Variants in ARHGEF26 observed in about 807,000 individuals in gnomAD.
The protein encoded by ARHGEF26 is Rho guanine nucleotide exchange factor (GEF) 26.
Under a neutral mutation model 89.4 loss-of-function variants are expected in ARHGEF26, and 59 were observed. The observed-to-expected ratio is 0.66, with a 90% CI of 0.54 to 0.82. The LOEUF is 0.82. Among genes scored for constraint, ARHGEF26 ranks in the 40% least tolerant of loss-of-function variants. The probability of loss-of-function intolerance (pLI) is 0.00; values close to 1 mark genes in which losing one functional copy is unlikely to be tolerated. For missense variants in ARHGEF26, 1,234 were observed against 1,085.6 expected (o/e 1.14, Z -1.92); for synonymous variants, 500 against 428.4 (o/e 1.17, Z -2.06).
chr3:154,228,772 C>G (rs1483155138), intron 11 of ARHGEF26, among the ~76,000 whole-genome samples: 2 of 152,120 alleles, frequency 1.3e-5, no homozygotes, highest in African/African-American at 4.8e-5. Flanking sequence ...CCAGAGGCAA[C>G]AGTAAAGGAG....
At chr3:154,176,258 T>C (rs1338655276) in intron 6 of ARHGEF26, among the ~76,000 whole-genome samples, 1 of 152,196 alleles carries the variant, frequency 6.6e-6, no homozygotes, top group Non-Finnish European at 1.5e-5. Flanking sequence ...AGCTCTGCTT[T>C]TGTGGCAGAA....
intron 4 of ARHGEF26, among the ~76,000 whole-genome samples, chr3:154,130,581 T>C (rs1019695537): frequency 2.0e-5 from 3 of 151,734 alleles, no homozygotes; most frequent in African/African-American, 7.2e-5. Flanking sequence ...TAATTTCTCC[T>C]CTCTGCATCA....
intron 4 of ARHGEF26, among the ~76,000 whole-genome samples, chr3:154,144,955 A>C (rs1713825): frequency 0.052 from 7,923 of 152,260 alleles, 330 homozygotes; most frequent in South Asian, 0.19. Context: ...TCCTTAAAAA[A>C]AGCGTTCTCT....
chr3:154,146,122 T>C (rs1719691690), intron 4 of ARHGEF26, among the ~76,000 whole-genome samples: 1 of 152,226 alleles, frequency 6.6e-6, no homozygotes, highest in African/African-American at 2.4e-5. Flanking sequence ...CTCACAGTAT[T>C]GGAGGCGGGA....
chr3:154,224,816 A>C (rs1375830896), intron 10 of ARHGEF26, among the ~76,000 whole-genome samples: 1 of 152,200 alleles, frequency 6.6e-6, no homozygotes, highest in Non-Finnish European at 1.5e-5. Context: ...ATGATAAGCA[A>C]CCTTCTTATA....
chr3:154,121,917 G>C (rs1717950171), intron 1 of ARHGEF26, 25 bp from the exon 2 acceptor site: 9 of 1,506,540 alleles, frequency 6.0e-6, no homozygotes, highest in African/African-American at 4.2e-5. Flanking sequence ...CAGAGGCACA[G>C]TTTCCTAACT....
At chr3:154,229,501 T>G (rs1268129122) in intron 11 of ARHGEF26, among the ~76,000 whole-genome samples, 1 of 152,198 alleles carries the variant, frequency 6.6e-6, no homozygotes, top group African/African-American at 2.4e-5. Flanking sequence ...CATGAACACT[T>G]TGGTATTTGA....
At chr3:154,146,375 C>A (rs1719708521) in intron 4 of ARHGEF26, among the ~76,000 whole-genome samples, 1 of 152,034 alleles carries the variant, frequency 6.6e-6, no homozygotes, top group African/African-American at 2.4e-5. Flanking sequence ...AACCTTCAGA[C>A]CATAGCACAA....
chr3:154,221,526 A>G lies in ARHGEF26; in HGVS notation c.1935+3568A>G, dbSNP rs556709969. 3.9e-4 allele frequency among the ~76,000 whole-genome samples: 59 copies of G among 152,328 alleles called. No individual in the cohort carries two copies. The South Asian group carries it at 0.011, about 28-fold the overall frequency. On this transcript the variant is annotated intron_variant, in intron 10 of 14. Coordinates refer to ENST00000465093, the MANE Select transcript of ARHGEF26 (RefSeq NM_015595.4). ...TATAAAATTAAACACACACTGAGCT[A>G]TTATTATAGTGTTGTTTGTAATAGT...
At chr3:154,205,970 A>G (rs1331907727) in intron 9 of ARHGEF26, among the ~76,000 whole-genome samples, 1 of 152,096 alleles carries the variant, frequency 6.6e-6, no homozygotes, top group Non-Finnish European at 1.5e-5. Context: ...TGTATTTACT[A>G]TTAACAGTGA....
chr3:154,235,603 G>A (rs73875330), intron 11 of ARHGEF26, among the ~76,000 whole-genome samples: 3,649 of 152,204 alleles, frequency 0.024, 153 homozygotes, highest in African/African-American at 0.083. Context: ...GATGATAGCT[G>A]TCATATCTAT....
At chr3:154,237,380 A>G (rs1369484862) in intron 11 of ARHGEF26, among the ~76,000 whole-genome samples, 1 of 152,036 alleles carries the variant, frequency 6.6e-6, no homozygotes, top group Non-Finnish European at 1.5e-5. Context: ...TGTCTCTACT[A>G]AAAATACAAA....
chr3:154,185,997 C>T (rs776100126), intron 6 of ARHGEF26, among the ~76,000 whole-genome samples: 6 of 152,160 alleles, frequency 3.9e-5, no homozygotes, highest in East Asian at 1.9e-4. Context: ...TCCCATCAAC[C>T]GCTCCACTGT....
At chr3:154,180,137 A>G (rs1244865177) in intron 6 of ARHGEF26, among the ~76,000 whole-genome samples, 1 of 152,146 alleles carries the variant, frequency 6.6e-6, no homozygotes, top group African/African-American at 2.4e-5. Context: ...TCCCTCTCTT[A>G]TAAGGACCTC....
At chr3:154,209,010 GCCC>G (rs1261977902) in intron 9 of ARHGEF26, among the ~76,000 whole-genome samples, 3 of 151,830 alleles carry the variant, frequency 2.0e-5, no homozygotes, top group Non-Finnish European at 4.4e-5. Flanking sequence ...CAAGTAATCT[GCCC>G]ACCTCGGTCT....
At chr3:154,172,261 G>A (rs1364986353) in intron 6 of ARHGEF26, among the ~76,000 whole-genome samples, 1 of 152,232 alleles carries the variant, frequency 6.6e-6, no homozygotes, top group Non-Finnish European at 1.5e-5. Flanking sequence ...AAAGTGAAGG[G>A]GAGGTAGAGC....
intron 4 of ARHGEF26, among the ~76,000 whole-genome samples, chr3:154,145,241 A>G (rs76560016): frequency 0.011 from 1,686 of 152,308 alleles, 24 homozygotes; most frequent in African/African-American, 0.038. Context: ...CATGTTATTT[A>G]CAGTGAAAGA....
At chr3:154,206,620 A>C (rs940948733) in intron 9 of ARHGEF26, among the ~76,000 whole-genome samples, 2 of 152,224 alleles carry the variant, frequency 1.3e-5, no homozygotes, top group African/African-American at 4.8e-5. Context: ...AGATGACATA[A>C]ACAGATGGAA....
intron 3 of ARHGEF26, among the ~76,000 whole-genome samples, chr3:154,128,790 C>A (rs892980989): frequency 1.3e-5 from 2 of 152,188 alleles, no homozygotes; most frequent in East Asian, 3.8e-4. Flanking sequence ...ACTTAATTGT[C>A]ACTCCAGTGA....
Sources: allele counts gnomAD v4.1 joint callset (sites outside exome capture counted in the v4.1 genomes callset), GRCh38; gene constraint gnomAD v4.1.1; transcripts MANE v1.5; gene names NCBI Gene and HGNC (gene_info 2026-07-23, HGNC 2026-07-21).